Variants in GARS1 observed in about 807,000 individuals in gnomAD.
GARS1 encodes the protein glycyl-tRNA synthetase 1.
In GARS1, 46 loss-of-function variants were observed where a neutral mutation model predicts 86.4. The ratio of observed to expected loss-of-function variants is 0.53; its 90% CI spans 0.42 to 0.68. GARS1 has a LOEUF of 0.68. Ranked by LOEUF, GARS1 falls within the 30% of genes least tolerant of loss-of-function variation. GARS1 has a pLI of 0.00. For synonymous variants in GARS1, 342 were observed against 329.8 expected (o/e 1.04, Z -0.40); for missense variants, 797 against 915.6 (o/e 0.87, Z 1.67).
intron 13 of GARS1, 184 bp from the exon 14 acceptor site, chr7:30,628,376 G>A (rs985469739): frequency 4.2e-6 from 2 of 476,200 alleles, no homozygotes; most frequent in Admixed American, 2.4e-5. Context: ...GTAGAGACGG[G>A]GTTTCACCAT....
rs775140242 is a variant in GARS1, at chr7:30,603,559, G to C, written c.722G>C (p.Ser241Thr). The C allele has an allele frequency of 4.3e-6, 7 of 1,613,568 alleles. No individual in the cohort carries two copies. The highest frequency in any genetic ancestry group is 5.9e-6 in the Non-Finnish European group (7 of 1,179,794). Residue 241 changes from serine (S) to threonine (T), a missense_variant, in exon 6 of 17, where the codon AGT becomes ACT. Physicochemically the swap from Ser to Thr is moderately conservative, Grantham distance 58 (BLOSUM62 1). Around this residue, in one of 2 missense-constraint regions of GARS1, gnomAD observed 598 missense variants for 738.7 expected, o/e 0.81. Transcript: ENST00000389266. ...GTCGAAAAGAAATCAGAAATGGAAA[G>C]TGTTTTGGCCCAGGTGAGTACTCTA... ...CSVEKKSEME[S>T]VLAQLDNYGQ... is the part of the protein sequence containing the mutation.
At position 30,622,379 on chromosome 7, in the gene GARS1, G is replaced by C. The variant is rs1442448291; in HGVS notation, c.1530G>C (p.Lys510Asn). 3 of 1,613,998 alleles carry C rather than the reference G, an allele frequency of 1.9e-6. No individual in the cohort carries two copies. In the African/African-American group the frequency reaches 4.0e-5, roughly 22 times the overall value. Residue 510 changes from lysine to asparagine, a missense_variant, in exon 12 of 17, where the codon AAG becomes AAC. Physicochemically the swap from Lys to Asn is moderately conservative, Grantham distance 94. Coordinates refer to ENST00000389266, the MANE Select transcript of GARS1 (RefSeq NM_002047.4). ...SKGAIGKAYKKDAKLVMEYLA... is the reference protein window; with the variant it reads ...SKGAIGKAYKNDAKLVMEYLA... Reference sequence around the variant, plus strand: ...GAGCAATTGGTAAGGCATATAAGAAGGATGCAAAACTGGTGATGGAGTATC... The same window carrying C: ...GAGCAATTGGTAAGGCATATAAGAACGATGCAAAACTGGTGATGGAGTATC...
chr7:30,631,495 C>G lies in GARS1; in HGVS notation c.1857C>G (p.Leu619=), dbSNP rs183573304. 1 of 1,613,782 alleles carries G rather than the reference C, an allele frequency of 6.2e-7. No individual in the cohort carries two copies. Among genetic ancestry groups the G allele is most frequent in the Non-Finnish European group, 8.5e-7 (1 of 1,179,794 alleles). ...AVVAPFKCSV[L]PLSQNQEFMP... ...TTGCTCCATTCAAATGTTCCGTCCTCCCACTGAGCCAAAACCAGGAGTTCA... is the reference window on the plus strand; with the variant it reads ...TTGCTCCATTCAAATGTTCCGTCCTGCCACTGAGCCAAAACCAGGAGTTCA... The change falls in exon 15 of 17, where the codon CTC becomes CTG. Residue 619 remains leucine (L), a synonymous_variant. Transcript: ENST00000389266.
chr7:30,628,686 A>G lies in GARS1; in HGVS notation c.1809+17A>G, dbSNP rs1247539966. The G allele has an allele frequency of 6.5e-7, 1 of 1,536,510 alleles. No individual in the cohort carries two copies. The highest frequency in any genetic ancestry group is 9.0e-7 in the Non-Finnish European group (1 of 1,109,914). On this transcript the variant is annotated intron_variant, in intron 14 of 16. Coordinates refer to ENST00000389266, the MANE Select transcript of GARS1 (RefSeq NM_002047.4). ...CAGAGAACAGTAAGTTGTTGTGTAC[A>G]GTGTGCTGTTATAGTGTCAGAAAAT...
At chr7:30,619,776 C>CTTTTTTTTTTT (rs61613428) in intron 10 of GARS1, among the ~76,000 whole-genome samples, 7 of 124,278 alleles carry the variant, frequency 5.6e-5, no homozygotes, top group East Asian at 2.3e-4. Flanking sequence ...TTCTTTTTTT[C>CTTTTTTTTTTT]TTTTTTTTTT....
chr7:30,595,905 G>C lies in GARS1; in HGVS notation c.222+762G>C, dbSNP rs79870814. ...AGTGAAGTCAGCCATCCTTAGTATG[G>C]AATATTTTGACATTTGATTTTCCCG... On this transcript the variant is annotated intron_variant, in intron 1 of 16. Coordinates refer to ENST00000389266, the MANE Select transcript of GARS1 (RefSeq NM_002047.4). 294 of 471,118 alleles carry C rather than the reference G, an allele frequency of 6.2e-4. 5 individuals carry two copies. In the East Asian group the frequency reaches 0.018, roughly 29 times the overall value. The allele number at this position is 471,118 out of a possible 1,614,324, so 29.2% of individuals were successfully genotyped here.
At chr7:30,622,665 A>G in intron 12 of GARS1, 2 of 573,728 alleles carry the variant, frequency 3.5e-6, no homozygotes, top group Non-Finnish European at 6.1e-6. Context: ...TTTTTTTCCT[A>G]GTAACTGTCT....
In GARS1 at chr7:30,603,588, A is replaced by G. The variant is rs1034083350; in HGVS notation, c.735+16A>G. ...TTTGGCCCAGGTGAGTACTCTAGAGATGTTATCAGAGTAACCTAGGTGGTC... is the reference window on the plus strand; with the variant it reads ...TTTGGCCCAGGTGAGTACTCTAGAGGTGTTATCAGAGTAACCTAGGTGGTC... On this transcript the variant is annotated intron_variant, in intron 6 of 16. Coordinates refer to ENST00000389266, the MANE Select transcript of GARS1 (RefSeq NM_002047.4). 1.3e-6 allele frequency: 2 copies of G among 1,586,254 alleles called. No homozygotes were observed. Among genetic ancestry groups the G allele is most frequent in the African/African-American group, 1.3e-5 (1 of 74,312 alleles).
chr7:30,613,898 C>T (rs1782831397), intron 8 of GARS1, among the ~76,000 whole-genome samples: 1 of 152,036 alleles, frequency 6.6e-6, no homozygotes, highest in Non-Finnish European at 1.5e-5. Flanking sequence ...GCTGTATTTC[C>T]TTTTGTCCTT....
intron 14 of GARS1, among the ~76,000 whole-genome samples, chr7:30,630,514 C>T (rs1278911336): frequency 9.1e-5 from 13 of 142,692 alleles, no homozygotes; most frequent in African/African-American, 1.3e-4. Flanking sequence ...TTTTTATTTT[C>T]GCCTTTTTTT....
chr7:30,600,048 A>G lies in GARS1; in HGVS notation c.426A>G (p.Gly142=). The part of the protein sequence containing the change: ...FFYDQAFAIY[G]GVSGLYDFGP... ...ATGATCAAGCTTTTGCTATTTATGG[A>G]GGTAAGGGATTAATGACAAAAAGAA... is the stretch of plus-strand genomic sequence containing the variant. The change falls in exon 3 of 17, where the codon GGA becomes GGG. Residue 142 remains glycine, a splice_region_variant and synonymous_variant. Coordinates refer to ENST00000389266, the MANE Select transcript of GARS1 (RefSeq NM_002047.4). 1 of 1,601,340 alleles carries G rather than the reference A, an allele frequency of 6.2e-7. No individual in the cohort carries two copies. The highest frequency in any genetic ancestry group is 8.6e-7 in the Non-Finnish European group (1 of 1,168,442).
At chr7:30,630,517 CTTTTTTTTT>C (rs758530758) in intron 14 of GARS1, among the ~76,000 whole-genome samples, 1 of 131,020 alleles carries the variant, frequency 7.6e-6, no homozygotes, top group South Asian at 2.4e-4. Flanking sequence ...TTATTTTCGC[CTTTTTTTTT>C]TTTTTTTTTT....
intron 10 of GARS1, among the ~76,000 whole-genome samples, chr7:30,619,837 G>A (rs1035325710): frequency 1.5e-4 from 22 of 147,686 alleles, no homozygotes; most frequent in African/African-American, 4.3e-4. Context: ...GAGTGCAGTG[G>A]TGCACTCTCA....
At chr7:30,601,906 G>A (rs1791385591) in intron 4 of GARS1, among the ~76,000 whole-genome samples, 1 of 151,616 alleles carries the variant, frequency 6.6e-6, no homozygotes, top group Admixed American at 6.6e-5. Context: ...AGCCTCCCAA[G>A]TAGCTGGGAC....
intron 14 of GARS1, among the ~76,000 whole-genome samples, chr7:30,629,055 G>A (rs1346416821): frequency 1.3e-5 from 2 of 152,156 alleles, no homozygotes; most frequent in Non-Finnish European, 2.9e-5. Flanking sequence ...CTGTACTCTG[G>A]TAAAGTATCA....
At chr7:30,609,836 T>C in intron 7 of GARS1, 106 bp downstream of exon 7, 1 of 921,260 alleles carries the variant, frequency 1.1e-6, no homozygotes, top group South Asian at 1.4e-5. Flanking sequence ...TAAAAAGTGA[T>C]ATACAGAAGT....
intron 4 of GARS1, among the ~76,000 whole-genome samples, chr7:30,601,797 G>A (rs901738705): frequency 1.4e-4 from 21 of 151,904 alleles, no homozygotes; most frequent in Non-Finnish European, 2.9e-4. Context: ...TTGTGTGTGT[G>A]AGATGGAGTC....
At chr7:30,617,072 GTTTTC>G in intron 9 of GARS1, 37 bp from the exon 10 acceptor site, 4 of 1,605,568 alleles carry the variant, frequency 2.5e-6, no homozygotes, top group Middle Eastern at 1.9e-4. Context: ...ATTAATGTGT[GTTTTC>G]TTTTCTTCCT....
intron 8 of GARS1, among the ~76,000 whole-genome samples, chr7:30,613,345 G>T (rs965301722): frequency 2.0e-4 from 30 of 152,316 alleles, no homozygotes; most frequent in African/African-American, 7.0e-4. Context: ...CTTTAGCCAG[G>T]TATGATGGCA....
Sources: gnomAD v4.1 joint callset for allele counts (sites outside exome capture counted in the v4.1 genomes callset) on GRCh38, gnomAD v4.1.1 for gene constraint, gnomAD v4.1.1 regional missense constraint, MANE v1.5 for transcripts, NCBI Gene and HGNC (gene_info 2026-07-23, HGNC 2026-07-21) for gene names.